The following FOXP1 variants were observed in gnomAD, a reference collection of about 807,000 sequenced individuals.
FOXP1 encodes forkhead box protein P1.
FOXP1 carries 15 observed loss-of-function variants against 98.2 expected under a neutral mutation model. The observed-to-expected ratio is 0.15, with a 90% CI of 0.10 to 0.24. The LOEUF (loss-of-function observed/expected upper bound fraction) is 0.24, where lower values mean the gene tolerates loss of function less well. Among genes scored for constraint, FOXP1 ranks in the 10% least tolerant of loss-of-function variants. The probability of loss-of-function intolerance (pLI) is 1.00; values close to 1 mark genes in which losing one functional copy is unlikely to be tolerated. For synonymous variants in FOXP1, 371 were observed against 314.5 expected (o/e 1.18, Z -1.90); for missense variants, 633 against 848.5 (o/e 0.75, Z 3.15).
intron 7 of FOXP1, among the ~76,000 whole-genome samples, chr3:71,089,062 T>A (rs990379638): frequency 1.3e-5 from 2 of 152,154 alleles, no homozygotes; most frequent in Non-Finnish European, 2.9e-5. Flanking sequence ...TGATTCTAAA[T>A]AGGGCTAATG....
At chr3:71,286,569 G>C (rs2072166245) in intron 5 of FOXP1, among the ~76,000 whole-genome samples, 1 of 152,112 alleles carries the variant, frequency 6.6e-6, no homozygotes, top group Non-Finnish European at 1.5e-5. Flanking sequence ...GAGAATGACT[G>C]ATATTTGGGA....
intron 4 of FOXP1, among the ~76,000 whole-genome samples, chr3:71,318,383 T>C (rs1392128346): frequency 3.3e-5 from 5 of 152,212 alleles, no homozygotes; most frequent in South Asian, 2.1e-4. Flanking sequence ...TAACATACAA[T>C]TAAATCAGAC....
chr3:71,421,703 A>G (rs1310305509), intron 3 of FOXP1, among the ~76,000 whole-genome samples: 4 of 152,208 alleles, frequency 2.6e-5, no homozygotes, highest in African/African-American at 9.7e-5. Flanking sequence ...CTGACCAAAG[A>G]AAGGCTGGCT....
chr3:71,564,578 A>G (rs1341866950), intron 2 of FOXP1, among the ~76,000 whole-genome samples: 1 of 152,216 alleles, frequency 6.6e-6, no homozygotes, highest in East Asian at 1.9e-4. Flanking sequence ...GCCCGTAACT[A>G]CCACGTTGCA....
At chr3:71,175,063 C>T (rs1464463045) in intron 6 of FOXP1, among the ~76,000 whole-genome samples, 1 of 152,096 alleles carries the variant, frequency 6.6e-6, no homozygotes, top group Non-Finnish European at 1.5e-5. Context: ...CAAGCGCCTG[C>T]CACCACGCCT....
intron 3 of FOXP1, among the ~76,000 whole-genome samples, chr3:71,445,689 C>CTTT (rs112723777): frequency 7.0e-6 from 1 of 142,210 alleles, no homozygotes; most frequent in African/African-American, 2.6e-5. Flanking sequence ...ATATTTATAC[C>CTTT]TTTTTTTTTT....
chr3:71,317,447 C>T (rs1461182956), intron 4 of FOXP1, among the ~76,000 whole-genome samples: 1 of 151,860 alleles, frequency 6.6e-6, no homozygotes, highest in Non-Finnish European at 1.5e-5. Flanking sequence ...GAAATATTAA[C>T]TAAGAATTTA....
chr3:71,093,718 AG>A (rs1343202847), intron 7 of FOXP1, among the ~76,000 whole-genome samples: 1 of 151,790 alleles, frequency 6.6e-6, no homozygotes, highest in African/African-American at 2.4e-5. Context: ...AGAATCACTA[AG>A]CCTCTGGTCT....
chr3:71,036,656 T>G (rs1409004415), intron 11 of FOXP1, among the ~76,000 whole-genome samples: 1 of 152,168 alleles, frequency 6.6e-6, no homozygotes, highest in Admixed American at 6.5e-5. Flanking sequence ...TGGGGATACG[T>G]TATTTTGGAT....
At chr3:71,042,299 AG>A (rs2048456858) in intron 10 of FOXP1, among the ~76,000 whole-genome samples, 1 of 152,166 alleles carries the variant, frequency 6.6e-6, no homozygotes. Flanking sequence ...GTTTTTTTAA[AG>A]GGGATCTAAA....
intron 7 of FOXP1, among the ~76,000 whole-genome samples, chr3:71,062,063 CT>C (rs1315950237): frequency 6.6e-6 from 1 of 152,160 alleles, no homozygotes; most frequent in Non-Finnish European, 1.5e-5. Context: ...AAGAGTTTAT[CT>C]TTCAAGTGAC....
chr3:71,312,335 G>A (rs2074747895), intron 4 of FOXP1, among the ~76,000 whole-genome samples: 1 of 152,154 alleles, frequency 6.6e-6, no homozygotes, highest in Admixed American at 6.6e-5. Context: ...ATCATATAAG[G>A]CAGCAGGGTG....
Position 71,396,937 on chromosome 3 carries a change from CATATATATATGTGT to C in FOXP1, c.-167-37707_-167-37694del, listed in dbSNP as rs1266508299. Among the ~76,000 whole-genome samples the C allele has an allele frequency of 8.7e-5, 7 of 80,454 alleles. 1 individual carries two copies. Among genetic ancestry groups the C allele is most frequent in the South Asian group, 3.9e-4 (1 of 2,572 alleles). The allele number at this position is 80,454 out of a possible 152,430, so 52.8% of individuals were successfully genotyped here. A position where few individuals can be genotyped will look rare whatever the true frequency, so the allele number is the denominator to read the frequency against. On this transcript the variant is annotated intron_variant, in intron 3 of 20. Coordinates refer to ENST00000649528, the MANE Select transcript of FOXP1 (RefSeq NM_001349338.3). The stretch of plus-strand genomic sequence containing the variant: ...ATGTGTGTATATATATATATATACA[CATATATATATGTGT>C]ATATATATATATGTGTGTATATATA...
intron 6 of FOXP1, chr3:71,130,847 T>TA: frequency 7.0e-7 from 1 of 1,430,486 alleles, no homozygotes; most frequent in Non-Finnish European, 9.1e-7. Flanking sequence ...ATTTAGCACT[T>TA]AAAGAAATCT....
At chr3:71,485,030 TTGTATC>T (rs2090547817) in intron 3 of FOXP1, among the ~76,000 whole-genome samples, 1 of 152,098 alleles carries the variant, frequency 6.6e-6, no homozygotes, top group Non-Finnish European at 1.5e-5. Context: ...GTTAAAGACA[TTGTATC>T]TGTATTGTCC....
chr3:71,341,148 T>C (rs1021416390), intron 4 of FOXP1, among the ~76,000 whole-genome samples: 2 of 152,132 alleles, frequency 1.3e-5, no homozygotes, highest in Non-Finnish European at 2.9e-5. Context: ...CATCCATCCA[T>C]AGCAACTTCC....
chr3:70,971,950 C>G (rs981890583), intron 18 of FOXP1: 1 of 1,299,534 alleles, frequency 7.7e-7, no homozygotes, highest in Non-Finnish European at 9.9e-7. Flanking sequence ...TGGGATGAGT[C>G]AACCATGCAA....
intron 3 of FOXP1, among the ~76,000 whole-genome samples, chr3:71,419,195 A>ACTG (rs1270066987): frequency 7.6e-6 from 1 of 131,832 alleles, no homozygotes; most frequent in African/African-American, 2.9e-5. Flanking sequence ...TGATTGCACT[A>ACTG]CTGCACTCCA....
chr3:71,521,780 G>T (rs2043010986), intron 2 of FOXP1, among the ~76,000 whole-genome samples: 1 of 152,164 alleles, frequency 6.6e-6, no homozygotes, highest in African/African-American at 2.4e-5. Flanking sequence ...TGAAACTAAT[G>T]TTTCTCCCAC....
Sources: allele counts gnomAD v4.1 joint callset (sites outside exome capture counted in the v4.1 genomes callset), GRCh38; gene constraint gnomAD v4.1.1; transcripts MANE v1.5; gene names NCBI Gene and HGNC (gene_info 2026-07-23, HGNC 2026-07-21).